The following PPP6R3 variants were observed in gnomAD, a reference collection of about 807,000 sequenced individuals.
PPP6R3 encodes serine/threonine-protein phosphatase 6 regulatory subunit 3.
PPP6R3 carries 38 observed loss-of-function variants against 110.7 expected under a neutral mutation model. The observed-to-expected ratio is 0.34, with a 90% CI of 0.26 to 0.45. The LOEUF is 0.45. Among genes scored for constraint, PPP6R3 ranks in the 20% least tolerant of loss-of-function variants. PPP6R3 has a pLI of 1.00. For synonymous variants in PPP6R3, 369 were observed against 373.5 expected (o/e 0.99, Z 0.14); for missense variants, 870 against 1,062.4 (o/e 0.82, Z 2.52).
intron 2 of PPP6R3, among the ~76,000 whole-genome samples, chr11:68,537,149 G>C (rs996347510): frequency 3.3e-5 from 5 of 152,134 alleles, no homozygotes; most frequent in African/African-American, 1.2e-4. Context: ...TCAAGAATTA[G>C]TTTTCAGTTT....
At chr11:68,539,408 G>A (rs1253297004) in intron 3 of PPP6R3, among the ~76,000 whole-genome samples, 1 of 152,220 alleles carries the variant, frequency 6.6e-6, no homozygotes, top group Non-Finnish European at 1.5e-5. Context: ...TTATAACAGT[G>A]TGGCACTTGT....
At chr11:68,483,705 C>T (rs2098929605) in intron 1 of PPP6R3, among the ~76,000 whole-genome samples, 1 of 152,210 alleles carries the variant, frequency 6.6e-6, no homozygotes, top group South Asian at 2.1e-4. Context: ...TGGTCTCAAA[C>T]TCCTGACTTC....
chr11:68,614,811 G>A lies in PPP6R3; in HGVS notation c.*1694G>A, dbSNP rs1351888704. The A allele has an allele frequency of 6.8e-7, 1 of 1,460,646 alleles. No homozygotes were observed. The highest frequency in any genetic ancestry group is 9.4e-7 in the Non-Finnish European group (1 of 1,069,018). 90.5% of individuals were successfully genotyped at this position (1,460,646 alleles called of 1,614,324 possible). A position where few individuals can be genotyped will look rare whatever the true frequency, so the allele number is the denominator to read the frequency against. On this transcript the variant is annotated 3_prime_UTR_variant, in exon 24 of 24. Transcript: ENST00000393800. Reference sequence around the variant, plus strand: ...TGGAAGCAGCACCCCCAGAGGACAGGGCTCCTCCTGCTTGCCTCAGGGCTG... The same window carrying A: ...TGGAAGCAGCACCCCCAGAGGACAGAGCTCCTCCTGCTTGCCTCAGGGCTG...
intron 3 of PPP6R3, among the ~76,000 whole-genome samples, chr11:68,542,475 C>T (rs924891911): frequency 7.0e-6 from 1 of 142,566 alleles, no homozygotes; most frequent in African/African-American, 2.6e-5. Flanking sequence ...CTGGCTGCAA[C>T]CTCTGCCTCC....
chr11:68,587,973 A>C lies in PPP6R3; in HGVS notation c.1679A>C (p.Asp560Ala), dbSNP rs765708803. 3 of 1,614,194 alleles carry C rather than the reference A, an allele frequency of 1.9e-6. No homozygotes were observed. Among genetic ancestry groups the C allele is most frequent in the Non-Finnish European group, 2.5e-6 (3 of 1,180,020 alleles). Reference sequence around the variant, plus strand: ...CAACAAATGACGTCCAATTTTATTGACCAGTTTGGCTTCAACGATGAGAAG... The same window carrying C: ...CAACAAATGACGTCCAATTTTATTGCCCAGTTTGGCTTCAACGATGAGAAG... The part of the protein sequence containing the change: ...QMQQMTSNFI[D>A]QFGFNDEKFA... Residue 560 changes from aspartate to alanine, a missense_variant, in exon 16 of 24, where the codon GAC becomes GCC. Asp to Ala is a moderately radical substitution (Grantham distance 126). Transcript: ENST00000393800.
intron 1 of PPP6R3, among the ~76,000 whole-genome samples, chr11:68,495,914 C>T (rs776423834): frequency 2.0e-5 from 3 of 152,162 alleles, no homozygotes; most frequent in Non-Finnish European, 4.4e-5. Context: ...TGAGACTATT[C>T]TCCAAAGTGT....
rs528592448 is a variant in PPP6R3 at position 68,497,247 on chromosome 11, G to A, written c.-157-22254G>A. ...TTTTTTGTATTTTTAGTAGAGATGG[G>A]GTTTCACCGTGTTAGCCAGGATGGT... On this transcript the variant is annotated intron_variant, in intron 1 of 23. Transcript: ENST00000393800. Among the ~76,000 whole-genome samples, 54 of 150,624 alleles carry A rather than the reference G, an allele frequency of 3.6e-4. 1 individual carries two copies. The East Asian group carries it at 0.01, about 29-fold the overall frequency.
intron 1 of PPP6R3, among the ~76,000 whole-genome samples, chr11:68,495,902 T>A (rs12272917): frequency 6.6e-6 from 1 of 152,122 alleles, no homozygotes; most frequent in Admixed American, 6.6e-5. Flanking sequence ...TTTGAGAAAC[T>A]GTGAGACTAT....
chr11:68,563,555 A>T (rs1340305673), intron 8 of PPP6R3, among the ~76,000 whole-genome samples: 1 of 152,200 alleles, frequency 6.6e-6, no homozygotes, highest in East Asian at 1.9e-4. Context: ...ATGTGGACGT[A>T]TGTTTTGGGT....
At chr11:68,487,820 A>G (rs1484890447) in intron 1 of PPP6R3, among the ~76,000 whole-genome samples, 1 of 152,126 alleles carries the variant, frequency 6.6e-6, no homozygotes, top group Non-Finnish European at 1.5e-5. Context: ...TTCTGTATGA[A>G]CTTGAGAACT....
At chr11:68,596,997 G>T (rs942143321) in intron 19 of PPP6R3, among the ~76,000 whole-genome samples, 2 of 152,228 alleles carry the variant, frequency 1.3e-5, no homozygotes, top group South Asian at 4.1e-4. Context: ...GATGGGAGAA[G>T]AAGAGAGATC....
intron 16 of PPP6R3, among the ~76,000 whole-genome samples, chr11:68,589,564 C>T (rs2099589133): frequency 6.6e-6 from 1 of 152,106 alleles, no homozygotes; most frequent in South Asian, 2.1e-4. Context: ...GATATTATAG[C>T]TCATTGACAC....
intron 2 of PPP6R3, among the ~76,000 whole-genome samples, chr11:68,526,077 G>A (rs7950900): frequency 0.32 from 47,996 of 151,932 alleles, 8,003 homozygotes; most frequent in Middle Eastern, 0.39. Flanking sequence ...AGCCATGCCA[G>A]TCATAACCAT....
intron 3 of PPP6R3, 123 bp from the exon 4 acceptor site, chr11:68,544,715 C>T: frequency 1.5e-6 from 1 of 651,878 alleles, no homozygotes; most frequent in South Asian, 2.6e-5. Flanking sequence ...AAATGATTTC[C>T]TGATTTCCAG....
rs1565934710 is a variant in PPP6R3, at chr11:68,573,140, AT to A, written c.1344-968del. On this transcript the variant is annotated intron_variant, in intron 12 of 23. Transcript: ENST00000393800. ...TATATATATATATATATATATATAT[AT>A]ATATATATATATAATTTTTTTTTTT... is the stretch of plus-strand genomic sequence containing the variant. Among the ~76,000 whole-genome samples, 55 of 97,582 alleles carry A rather than the reference AT, an allele frequency of 5.6e-4. 3 individuals carry two copies. The South Asian group carries it at 6.0e-3, about 11-fold the overall frequency. 64.0% of individuals were successfully genotyped at this position (97,582 alleles called of 152,430 possible).
chr11:68,548,745 G>C (rs1255020187), intron 5 of PPP6R3, among the ~76,000 whole-genome samples: 2 of 152,210 alleles, frequency 1.3e-5, no homozygotes, highest in African/African-American at 4.8e-5. Flanking sequence ...AATGTAGACA[G>C]ATGGTGATTT....
intron 12 of PPP6R3, among the ~76,000 whole-genome samples, chr11:68,573,128 AT>A (rs1410770167): frequency 0.016 from 1,347 of 85,998 alleles, 79 homozygotes; most frequent in African/African-American, 0.019. Context: ...ATATATATAT[AT>A]ATATATATAT....
At chr11:68,518,311 G>C (rs76891237) in intron 1 of PPP6R3, among the ~76,000 whole-genome samples, 1 of 152,176 alleles carries the variant, frequency 6.6e-6, no homozygotes, top group Non-Finnish European at 1.5e-5. Flanking sequence ...GTCTCTTTCT[G>C]TGATGCTCCA....
At chr11:68,468,072 C>T (rs1471282105) in intron 1 of PPP6R3, among the ~76,000 whole-genome samples, 5 of 152,168 alleles carry the variant, frequency 3.3e-5, no homozygotes, top group Admixed American at 2.6e-4. Context: ...CCACGCCCAG[C>T]GCATTTATTC....
Sources: gnomAD v4.1 joint callset for allele counts (sites outside exome capture counted in the v4.1 genomes callset) on GRCh38, gnomAD v4.1.1 for gene constraint, MANE v1.5 for transcripts, NCBI Gene and HGNC (gene_info 2026-07-23, HGNC 2026-07-21) for gene names.